ABLIM1: variants seen among roughly 807,000 people sequenced by gnomAD.
The protein encoded by ABLIM1 is actin-binding LIM protein 1.
In ABLIM1, 40 loss-of-function variants were observed where a neutral mutation model predicts 107.0. That is an observed-to-expected ratio of 0.37 (90% CI 0.29 to 0.49). The LOEUF is 0.49. ABLIM1 is among the 20% of genes least tolerant of loss of function. The pLI is 0.97. For missense variants in ABLIM1, 857 were observed against 1,008.5 expected (o/e 0.85, Z 2.04); for synonymous variants, 357 against 357.3 (o/e 1.00, Z 0.01).
At chr10:114,521,957 G>A (rs2063810943) in intron 6 of ABLIM1, among the ~76,000 whole-genome samples, 1 of 152,116 alleles carries the variant, frequency 6.6e-6, no homozygotes, top group Admixed American at 6.5e-5. Context: ...CTTTAGCTAG[G>A]TGATTAGAGG....
intron 1 of ABLIM1, among the ~76,000 whole-genome samples, chr10:114,638,974 C>T (rs2078611766): frequency 6.6e-6 from 1 of 152,186 alleles, no homozygotes; most frequent in African/African-American, 2.4e-5. Context: ...TAAGGAATGG[C>T]ATTTCTGTGG....
Position 114,488,015 on chromosome 10 carries a change from G to A in ABLIM1, c.984C>T (p.Gly328=), listed in dbSNP as rs536037679. ...TACAGTCGGGATGCCAAACGGTGGAGCCTGAGAAGACAGAATGCACTACTA... is the reference window on the plus strand; with the variant it reads ...TACAGTCGGGATGCCAAACGGTGGAACCTGAGAAGACAGAATGCACTACTA... ...FTEGEEMYLQ[G]STVWHPDCKQ... is the part of the protein sequence containing the mutation. The change falls in exon 8 of 23, where the codon GGC becomes GGT. Residue 328 remains glycine (G), a splice_region_variant and synonymous_variant. Coordinates refer to ENST00000533213, the MANE Select transcript of ABLIM1 (RefSeq NM_002313.7). 1.4e-5 allele frequency: 23 copies of A among 1,613,992 alleles called. No homozygotes were observed. Among genetic ancestry groups the A allele is most frequent in the Non-Finnish European group, 1.9e-5 (22 of 1,180,018 alleles).
intron 2 of ABLIM1, among the ~76,000 whole-genome samples, chr10:114,577,118 A>G (rs2072695660): frequency 6.6e-6 from 1 of 152,178 alleles, no homozygotes; most frequent in Non-Finnish European, 1.5e-5. Context: ...GTTTTCTTCA[A>G]TATCTGTCTA....
chr10:114,486,105 C>T (rs1304790492), intron 8 of ABLIM1, among the ~76,000 whole-genome samples: 1 of 152,192 alleles, frequency 6.6e-6, no homozygotes, highest in Non-Finnish European at 1.5e-5. Context: ...AAAACAATAG[C>T]TCCTCTTGGC....
chr10:114,690,423 G>A (rs1368883471), intron 1 of ABLIM1: 2 of 1,604,084 alleles, frequency 1.2e-6, no homozygotes, highest in African/African-American at 2.7e-5. Context: ...CTTGCCACCA[G>A]TGCCATTATG....
chr10:114,537,851 T>C (rs1379723888), intron 6 of ABLIM1, among the ~76,000 whole-genome samples: 1 of 152,202 alleles, frequency 6.6e-6, no homozygotes, highest in African/African-American at 2.4e-5. Flanking sequence ...AAGAATGCAA[T>C]TAGCCTTCAG....
chr10:114,644,949 C>T (rs1323612157), intron 1 of ABLIM1, among the ~76,000 whole-genome samples: 1 of 152,134 alleles, frequency 6.6e-6, no homozygotes, highest in East Asian at 1.9e-4. Flanking sequence ...CTTCCTGAGG[C>T]CTGGCTGTCC....
rs1162824640 is a variant in ABLIM1 at position 114,707,624 on chromosome 10, G to A, written c.-213+60437C>T. ...TCATAAAAAACTAATTACCGGCCGG[G>A]CACGGTGGCTCACACTTATAATCCC... On this transcript the variant is annotated intron_variant, in intron 1 of 15. Coordinates refer to the ABLIM1 transcript ENST00000651092. This position sits in a 1 kb window ranked among gnomAD's most constrained non-coding sequence, Gnocchi z 4.1. Among the ~76,000 whole-genome samples, 3 of 152,104 alleles carry A rather than the reference G, an allele frequency of 2.0e-5. No homozygotes were observed. Among genetic ancestry groups the A allele is most frequent in the African/African-American group, 7.2e-5 (3 of 41,422 alleles).
intron 1 of ABLIM1, among the ~76,000 whole-genome samples, chr10:114,723,773 C>G (rs949955092): frequency 6.6e-6 from 1 of 150,788 alleles, no homozygotes; most frequent in Non-Finnish European, 1.5e-5. Context: ...TCTGTGAGCT[C>G]TTTTGTACCT....
intron 1 of ABLIM1, among the ~76,000 whole-genome samples, chr10:114,756,002 T>G (rs2082621250): frequency 6.6e-6 from 1 of 152,196 alleles, no homozygotes; most frequent in South Asian, 2.1e-4. Context: ...CTTATTATAC[T>G]TAATTATTTA....
chr10:114,686,808 A>G (rs61869075), upstream of ABLIM1, among the ~76,000 whole-genome samples: 1 of 150,956 alleles, frequency 6.6e-6, no homozygotes, highest in Non-Finnish European at 1.5e-5. Flanking sequence ...TTTTTTTTTA[A>G]TAGAGACAGA....
Position 114,444,153 on chromosome 10 carries a change from A to T in ABLIM1, c.1828-19T>A. ...AGTTAAGCTATTCACAGAAAAAAGG[A>T]AAAAAAAAAAAAAAAGAAAGCAAAG... On this transcript the variant is annotated intron_variant, in intron 16 of 22. Transcript: ENST00000533213. 1.2e-4 allele frequency: 22 copies of T among 182,212 alleles called. No homozygotes were observed. The highest frequency in any genetic ancestry group is 1.3e-4 in the South Asian group (1 of 7,574). The allele number at this position is 182,212 out of a possible 1,614,324, so 11.3% of individuals were successfully genotyped here.
chr10:114,644,306 A>AT (rs1555214864), intron 1 of ABLIM1, among the ~76,000 whole-genome samples: 55 of 52,234 alleles, frequency 1.1e-3, no homozygotes, highest in East Asian at 4.0e-3. Context: ...AAAAAAAAAA[A>AT]ATATATATAT....
the ABLIM1 span, among the ~76,000 whole-genome samples, chr10:114,786,212 A>G: frequency 2.6e-5 from 4 of 152,254 alleles, no homozygotes; most frequent in Non-Finnish European, 4.4e-5. Context: ...TGGTAATACT[A>G]TTTGAACTAA....
At chr10:114,653,782 G>A (rs1462261708) in intron 1 of ABLIM1, among the ~76,000 whole-genome samples, 1 of 152,036 alleles carries the variant, frequency 6.6e-6, no homozygotes, top group Non-Finnish European at 1.5e-5. Context: ...ATATATTTTT[G>A]CGGAAGCTAT....
At chr10:114,610,887 C>T (rs1258324981) in intron 1 of ABLIM1, among the ~76,000 whole-genome samples, 1 of 152,154 alleles carries the variant, frequency 6.6e-6, no homozygotes, top group African/African-American at 2.4e-5. Flanking sequence ...GGTGCGGTGG[C>T]TCATGTCTGT....
chr10:114,582,267 A>G (rs899835408), intron 2 of ABLIM1, among the ~76,000 whole-genome samples: 3 of 152,188 alleles, frequency 2.0e-5, no homozygotes, highest in Admixed American at 6.6e-5. Context: ...CATTTACAAT[A>G]GCCACACACA....
chr10:114,658,033 A>G lies in ABLIM1; in HGVS notation c.168T>C (p.Thr56=). The change falls in exon 1 of 23, where the codon ACT becomes ACC. Residue 56 remains threonine (T), a synonymous_variant. Coordinates refer to ENST00000533213, the MANE Select transcript of ABLIM1 (RefSeq NM_002313.7). ...GTSFTAHRRA[T]ITHLLYLCPK... is the part of the protein sequence containing the mutation. The stretch of plus-strand genomic sequence containing the variant: ...GACAGAGATACAGCAAATGAGTGAT[A>G]GTGGCACGCCTATGAGCGGTGAAGG... 1.2e-6 allele frequency: 2 copies of G among 1,614,224 alleles called. No homozygotes were observed. The highest frequency in any genetic ancestry group is 1.3e-5 in the African/African-American group (1 of 75,060).
chr10:114,465,301 C>A (rs560259133), intron 12 of ABLIM1, among the ~76,000 whole-genome samples: 1 of 151,872 alleles, frequency 6.6e-6, no homozygotes, highest in African/African-American at 2.4e-5. Context: ...GAAACATAAT[C>A]CAGCTGTTAA....
Sources: gnomAD v4.1 joint callset for allele counts (sites outside exome capture counted in the v4.1 genomes callset) on GRCh38, gnomAD v4.1.1 for gene constraint, Gnocchi (gnomAD v3.1) non-coding constraint, MANE v1.5 for transcripts, NCBI Gene and HGNC (gene_info 2026-07-23, HGNC 2026-07-21) for gene names.